GAREM1: variants seen among roughly 807,000 people sequenced by gnomAD.
GAREM1 encodes the protein GRB2 associated regulator of MAPK1 subtype 1.
A neutral mutation model predicts 71.3 loss-of-function variants in GAREM1; 26 were observed. The ratio of observed to expected loss-of-function variants is 0.36; its 90% CI spans 0.27 to 0.51. The LOEUF (loss-of-function observed/expected upper bound fraction) is 0.51, where lower values mean the gene tolerates loss of function less well. Ranked by LOEUF, GAREM1 falls within the 20% of genes least tolerant of loss-of-function variation. The probability of loss-of-function intolerance (pLI) is 0.95; values close to 1 mark genes in which losing one functional copy is unlikely to be tolerated. For synonymous variants in GAREM1, 440 were observed against 433.2 expected (o/e 1.02, Z -0.20); for missense variants, 1,026 against 1,103.1 (o/e 0.93, Z 0.99).
In GAREM1 at chr18:32,287,396, CCTCA is replaced by C; in HGVS notation, c.1197_1200del (p.Ser399ArgfsTer2). 1 of 1,614,218 alleles carries C rather than the reference CCTCA, an allele frequency of 6.2e-7. No individual in the cohort carries two copies. Among genetic ancestry groups the C allele is most frequent in the Non-Finnish European group, 8.5e-7 (1 of 1,180,044 alleles). ...AGGTCCCTGCAACCATGAAGGTTCA[CCTCA>C]CTGTTGCCATGGAGATTGTTGCCAT... On this transcript the variant is annotated frameshift_variant, in exon 4 of 6. Coordinates refer to ENST00000269209, the MANE Select transcript of GAREM1 (RefSeq NM_001242409.2). LOFTEE classifies it high-confidence loss of function. This position sits in a 1 kb window ranked among gnomAD's most constrained non-coding sequence, Gnocchi z 5.9.
chr18:32,393,014 C>T lies in GAREM1; in HGVS notation c.143G>A (p.Arg48Gln), dbSNP rs375153984. 6.4e-5 allele frequency: 103 copies of T among 1,613,492 alleles called. No homozygotes were observed. The highest frequency in any genetic ancestry group is 1.3e-4 in the Admixed American group (8 of 59,912). The stretch of plus-strand genomic sequence containing the variant: ...ATGAATCAGCAGATAGTCATTTTCC[C>T]GCAGCCCTTCTACGCACTCTCCTAG... ...LDNGECVEGL[R>Q]ENDYLLIHSC... is the part of the protein sequence containing the mutation. Residue 48 changes from arginine to glutamine, a missense_variant, in exon 2 of 6, where the codon CGG (arginine) becomes CAG (glutamine). Arg to Gln is a conservative substitution (Grantham distance 43, BLOSUM62 1). Transcript: ENST00000269209.
chr18:32,344,260 C>T (rs2047674299), intron 2 of GAREM1, among the ~76,000 whole-genome samples: 2 of 152,182 alleles, frequency 1.3e-5, no homozygotes, highest in African/African-American at 2.4e-5. Flanking sequence ...AAATAGGCTG[C>T]ATTCCTGTTG....
At chr18:32,464,862 G>A (rs1485798807) in intron 1 of GAREM1, among the ~76,000 whole-genome samples, 1 of 152,144 alleles carries the variant, frequency 6.6e-6, no homozygotes, top group East Asian at 1.9e-4. Flanking sequence ...AAGACATACA[G>A]TTTTGTCTGA....
intron 3 of GAREM1, among the ~76,000 whole-genome samples, chr18:32,303,548 T>C (rs1379569793): frequency 1.3e-5 from 2 of 152,124 alleles, no homozygotes; most frequent in African/African-American, 4.8e-5. Context: ...TGAAGGGGTA[T>C]TTCGAAACCA....
At chr18:32,419,278 GCCAC>G (rs2048497685) in intron 1 of GAREM1, among the ~76,000 whole-genome samples, 1 of 152,100 alleles carries the variant, frequency 6.6e-6, no homozygotes, top group Admixed American at 6.6e-5. Context: ...ATTAGGTCGG[GCCAC>G]CAAGATAGTC....
chr18:32,274,299 G>T (rs779745360), intron 4 of GAREM1, among the ~76,000 whole-genome samples: 3 of 152,118 alleles, frequency 2.0e-5, no homozygotes, highest in Non-Finnish European at 4.4e-5. Context: ...TTTGCTTCTT[G>T]ATTTGATTCA....
intron 1 of GAREM1, among the ~76,000 whole-genome samples, chr18:32,448,859 C>T (rs565067427): frequency 3.3e-5 from 5 of 152,248 alleles, no homozygotes; most frequent in Admixed American, 3.3e-4. Context: ...AGTGAGTAAT[C>T]CCCAAGGTCC....
intron 1 of GAREM1, among the ~76,000 whole-genome samples, chr18:32,403,459 C>G (rs151151965): frequency 6.6e-6 from 1 of 152,182 alleles, no homozygotes; most frequent in African/African-American, 2.4e-5. Flanking sequence ...CTCACTTACA[C>G]GAGCCCTCTG....
Position 32,470,368 on chromosome 18 carries a change from C to T in GAREM1, c.61G>A (p.Val21Met). The T allele has an allele frequency of 1.9e-6, 3 of 1,559,458 alleles. No homozygotes were observed. The highest frequency in any genetic ancestry group is 2.6e-6 in the Non-Finnish European group (3 of 1,154,022). ...GTGCTGACCAGGAGGTCGAGCGGCA[C>T]GGCCACCGAGCTCCACTTCACATCC... ...LKDVKWSSVA[V>M]PLDLLVSTYR... The change falls in exon 1 of 6, where the codon GTG becomes ATG. Residue 21 changes from valine (V) to methionine (M), a missense_variant. Coordinates refer to ENST00000269209, the MANE Select transcript of GAREM1 (RefSeq NM_001242409.2). The surrounding 1 kb of genome is among the most constrained non-coding windows in gnomAD (Gnocchi z 4.4).
At chr18:32,359,739 A>T (rs981844434) in intron 2 of GAREM1, among the ~76,000 whole-genome samples, 1 of 152,138 alleles carries the variant, frequency 6.6e-6, no homozygotes, top group Non-Finnish European at 1.5e-5. Context: ...TGTGCAACTT[A>T]GCAAGAGTTT....
chr18:32,465,329 C>T (rs992782463), intron 1 of GAREM1, among the ~76,000 whole-genome samples: 11 of 152,054 alleles, frequency 7.2e-5, no homozygotes, highest in Non-Finnish European at 1.3e-4. Flanking sequence ...AACATGGATC[C>T]GAGAAAGACC....
At chr18:32,341,723 G>A (rs887370968) in intron 2 of GAREM1, among the ~76,000 whole-genome samples, 1 of 152,170 alleles carries the variant, frequency 6.6e-6, no homozygotes, top group African/African-American at 2.4e-5. Flanking sequence ...GTTCCCAAGT[G>A]GAGAATGGGG....
chr18:32,403,385 C>A (rs547505228), intron 1 of GAREM1, among the ~76,000 whole-genome samples: 89 of 152,222 alleles, frequency 5.8e-4, no homozygotes, highest in African/African-American at 2.0e-3. Flanking sequence ...TATGTTACCC[C>A]CTCCCGCTCC....
chr18:32,413,228 G>A lies in GAREM1; in HGVS notation c.122-20193C>T, dbSNP rs2048437649. On this transcript the variant is annotated intron_variant, in intron 1 of 5. Transcript: ENST00000269209. ...CGATGCTTCTTCGGCGGCGTCCACG[G>A]GCAGAAAGGCCAGAAAAATATTTCA... 66 of 1,603,366 alleles carry A rather than the reference G, an allele frequency of 4.1e-5. 1 individual carries two copies. Among genetic ancestry groups the A allele is most frequent in the South Asian group, 3.2e-4 (29 of 90,786 alleles).
chr18:32,407,435 AAAAC>A (rs981776057), intron 1 of GAREM1, among the ~76,000 whole-genome samples: 8 of 152,332 alleles, frequency 5.3e-5, no homozygotes, highest in African/African-American at 1.9e-4. Context: ...CTCTGTCTCA[AAAAC>A]AAACAAACAA....
At chr18:32,325,629 C>T (rs1056366989) in intron 2 of GAREM1, among the ~76,000 whole-genome samples, 1 of 152,310 alleles carries the variant, frequency 6.6e-6, no homozygotes, top group African/African-American at 2.4e-5. Context: ...CAGTAAGGCA[C>T]GTTTTGTTCT....
intron 2 of GAREM1, among the ~76,000 whole-genome samples, chr18:32,345,858 C>G (rs1297054887): frequency 6.6e-6 from 1 of 152,138 alleles, no homozygotes; most frequent in Non-Finnish European, 1.5e-5. Flanking sequence ...ACGGTCTAAA[C>G]AGTAAATATG....
At position 32,344,145 on chromosome 18, in the gene GAREM1, T is replaced by C. The variant is rs576296307; in HGVS notation, c.263-33822A>G. ...CACCTCTGCATTACAGTCACAGAAC[T>C]GCGCTGCCTTCCTCCCCGCCTCCTC... On this transcript the variant is annotated intron_variant, in intron 2 of 5. Transcript: ENST00000269209. Among the ~76,000 whole-genome samples the C allele has an allele frequency of 6.7e-4, 102 of 152,304 alleles. 1 individual carries two copies. The South Asian group carries it at 0.021, about 31-fold the overall frequency.
rs781643118 is a variant in GAREM1 at position 32,310,222 on chromosome 18, C to T, written c.364G>A (p.Val122Ile). Residue 122 changes from valine (V) to isoleucine (I), a missense_variant, in exon 3 of 6, where the codon GTC becomes ATC. Coordinates refer to ENST00000269209, the MANE Select transcript of GAREM1 (RefSeq NM_001242409.2). ...ACGTTGAATGTGATATCCTCCATGA[C>T]GTACACGCGTTCAGGAAATGCCTTA... ...VAKAFPERVY[V>I]MEDITFNVKV... 18 of 1,613,998 alleles carry T rather than the reference C, an allele frequency of 1.1e-5. No individual in the cohort carries two copies. The highest frequency in any genetic ancestry group is 5.0e-5 in the Admixed American group (3 of 59,998).
Sources: gnomAD v4.1 joint callset for allele counts (sites outside exome capture counted in the v4.1 genomes callset) on GRCh38, gnomAD v4.1.1 for gene constraint, Gnocchi (gnomAD v3.1) non-coding constraint, MANE v1.5 for transcripts, NCBI Gene and HGNC (gene_info 2026-07-23, HGNC 2026-07-21) for gene names.